Variants in SLC24A2 observed in about 807,000 individuals in gnomAD.
The protein encoded by SLC24A2 is solute carrier family 24 member 2.
Under a neutral mutation model 62.0 loss-of-function variants are expected in SLC24A2, and 36 were observed. That is an observed-to-expected ratio of 0.58 (90% CI 0.44 to 0.77). The LOEUF (loss-of-function observed/expected upper bound fraction) is 0.77. Ranked by LOEUF, SLC24A2 falls within the 30% of genes least tolerant of loss-of-function variation. The pLI, the probability that SLC24A2 is intolerant of heterozygous loss-of-function variation, is 0.00. For missense variants in SLC24A2, 846 were observed against 817.9 expected (o/e 1.03, Z -0.42); for synonymous variants, 358 against 294.0 (o/e 1.22, Z -2.23).
the SLC24A2 span, among the ~76,000 whole-genome samples, chr9:20,230,755 A>G: frequency 1.3e-5 from 2 of 152,238 alleles, no homozygotes; most frequent in African/African-American, 2.4e-5. Context: ...CCATTTGTCA[A>G]TTTTGGCTTT....
the SLC24A2 span, among the ~76,000 whole-genome samples, chr9:20,097,133 A>G: frequency 6.6e-6 from 1 of 152,130 alleles, no homozygotes; most frequent in Non-Finnish European, 1.5e-5. Context: ...ATACTTGGGG[A>G]TTACAGCTAT....
At chr9:19,668,228 C>T (rs1199774121) in intron 2 of SLC24A2, among the ~76,000 whole-genome samples, 3 of 152,112 alleles carry the variant, frequency 2.0e-5, no homozygotes, top group South Asian at 4.1e-4. Context: ...TTTTATTTTG[C>T]GATCCCACCA....
chr9:19,659,666 C>T lies in SLC24A2; in HGVS notation c.931-37367G>A, dbSNP rs1411216117. Among the ~76,000 whole-genome samples, 3 of 152,110 alleles carry T rather than the reference C, an allele frequency of 2.0e-5. No individual in the cohort carries two copies. In the East Asian group the frequency reaches 5.8e-4, roughly 29 times the overall value. On this transcript the variant is annotated intron_variant, in intron 2 of 10. Transcript: ENST00000341998. ...CCATTTAACCTGACGACTAGGGCTG[C>T]AGACTGTATTTTTAACACTGATGAC... is the stretch of plus-strand genomic sequence containing the variant.
intron 8 of SLC24A2, among the ~76,000 whole-genome samples, chr9:19,541,570 T>C (rs1323995833): frequency 6.8e-6 from 1 of 146,008 alleles, no homozygotes; most frequent in Non-Finnish European, 1.5e-5. Flanking sequence ...CGTTCTCAGA[T>C]CTCCAGCTGC....
At chr9:19,951,925 G>A in the SLC24A2 span, among the ~76,000 whole-genome samples, 1 of 152,112 alleles carries the variant, frequency 6.6e-6, no homozygotes, top group Non-Finnish European at 1.5e-5. Flanking sequence ...AATTTAAGGA[G>A]AACTGACATT....
At chr9:19,622,442 G>C in intron 2 of SLC24A2, 143 bp from the exon 3 acceptor site, 1 of 777,530 alleles carries the variant, frequency 1.3e-6, no homozygotes, top group Non-Finnish European at 2.2e-6. Flanking sequence ...AGCCAAAACA[G>C]GGGACTAAGG....
chr9:19,611,931 G>A (rs1837185244), intron 4 of SLC24A2, among the ~76,000 whole-genome samples: 2 of 152,158 alleles, frequency 1.3e-5, no homozygotes, highest in Admixed American at 6.5e-5. Flanking sequence ...CTGATGAGAG[G>A]TGGGGGGAAC....
rs910185868 is a variant in SLC24A2 at position 19,520,998 on chromosome 9, G to A, written c.1632C>T (p.Thr544=). 3 of 1,613,968 alleles carry A rather than the reference G, an allele frequency of 1.9e-6. No individual in the cohort carries two copies. Among genetic ancestry groups the A allele is most frequent in the East Asian group, 2.2e-5 (1 of 44,872 alleles). Residue 544 remains threonine, a synonymous_variant, in exon 10 of 11, where the codon ACC becomes ACT. Transcript: ENST00000341998. ...IMGLTILAAG[T]SIPDLITSVI... The stretch of plus-strand genomic sequence containing the variant: ...CACTGGTGATAAGATCAGGGATGGA[G>A]GTCCCAGCAGCCAAGATGGTCAGGC...
chr9:19,877,838 G>A, the SLC24A2 span, among the ~76,000 whole-genome samples: 1 of 152,192 alleles, frequency 6.6e-6, no homozygotes, highest in Admixed American at 6.5e-5. Flanking sequence ...TTACAAGAGT[G>A]TACAACTTTG....
At chr9:19,980,750 A>G in the SLC24A2 span, among the ~76,000 whole-genome samples, 185 of 152,292 alleles carry the variant, frequency 1.2e-3, 2 homozygotes, top group African/African-American at 4.2e-3. Flanking sequence ...AACAGGATTA[A>G]GCAGAAACCA....
chr9:20,062,890 T>A, the SLC24A2 span, among the ~76,000 whole-genome samples: 18,593 of 79,592 alleles, frequency 0.23, 3,492 homozygotes, highest in East Asian at 0.47. Context: ...CACATGAAAA[T>A]ATGCTCACCA....
chr9:20,021,011 T>C, the SLC24A2 span, among the ~76,000 whole-genome samples: 1 of 152,340 alleles, frequency 6.6e-6, no homozygotes, highest in African/African-American at 2.4e-5. Context: ...TACACTCATA[T>C]GCTTTTGAGA....
the SLC24A2 span, among the ~76,000 whole-genome samples, chr9:20,039,415 A>G: frequency 7.2e-5 from 11 of 152,086 alleles, no homozygotes; most frequent in Admixed American, 7.2e-4. Context: ...AACCCAGTCC[A>G]GGGCAGGAGG....
chr9:19,951,208 ATTG>A, the SLC24A2 span, among the ~76,000 whole-genome samples: 55 of 146,532 alleles, frequency 3.8e-4, no homozygotes, highest in African/African-American at 1.3e-3. Context: ...TTAAGATTGT[ATTG>A]TTGTTTTTCT....
At chr9:20,180,678 G>C in the SLC24A2 span, among the ~76,000 whole-genome samples, 9 of 152,108 alleles carry the variant, frequency 5.9e-5, no homozygotes, top group East Asian at 1.7e-3. Context: ...TTGGGCATAA[G>C]TTTTGCTATC....
At chr9:20,247,753 T>G in the SLC24A2 span, among the ~76,000 whole-genome samples, 1 of 152,210 alleles carries the variant, frequency 6.6e-6, no homozygotes, top group Non-Finnish European at 1.5e-5. Flanking sequence ...AGTTGGAGCC[T>G]TTTCAGGCGA....
chr9:20,253,334 A>G, the SLC24A2 span, among the ~76,000 whole-genome samples: 1 of 152,226 alleles, frequency 6.6e-6, no homozygotes, highest in Non-Finnish European at 1.5e-5. Context: ...AGCATTCATG[A>G]ATGCACTTTG....
chr9:20,032,071 C>T, the SLC24A2 span, among the ~76,000 whole-genome samples: 1 of 152,178 alleles, frequency 6.6e-6, no homozygotes. Flanking sequence ...GTCTGATGGG[C>T]TCCTATGTAT....
the SLC24A2 span, among the ~76,000 whole-genome samples, chr9:20,065,187 C>G: frequency 6.6e-6 from 1 of 152,170 alleles, no homozygotes; most frequent in African/African-American, 2.4e-5. Context: ...GGCAGGGGTT[C>G]AAAGAGGAAA....
Sources: gnomAD v4.1 joint callset for allele counts (sites outside exome capture counted in the v4.1 genomes callset) on GRCh38, gnomAD v4.1.1 for gene constraint, MANE v1.5 for transcripts, NCBI Gene and HGNC (gene_info 2026-07-23, HGNC 2026-07-21) for gene names.